Variants in PCDH7 observed in about 807,000 individuals in gnomAD.
PCDH7 encodes protocadherin 7, also known as protocadherin-7.
Under a neutral mutation model 58.9 loss-of-function variants are expected in PCDH7, and 17 were observed. That is an observed-to-expected ratio of 0.29 (90% CI 0.20 to 0.43). The LOEUF (loss-of-function observed/expected upper bound fraction) is 0.43, where lower values mean the gene tolerates loss of function less well. PCDH7 is among the 20% of genes least tolerant of loss of function. The pLI is 1.00. For missense variants in PCDH7, 1,274 were observed against 1,441.0 expected (o/e 0.88, Z 1.88); for synonymous variants, 664 against 616.4 (o/e 1.08, Z -1.14).
intron 1 of PCDH7, among the ~76,000 whole-genome samples, chr4:30,745,243 A>T (rs1012018711): frequency 1.7e-5 from 2 of 119,992 alleles, no homozygotes; most frequent in Non-Finnish European, 3.9e-5. Flanking sequence ...ATATTTTTAC[A>T]TCTTGTTTTT....
chr4:30,895,438 T>G (rs1181934926), intron 1 of PCDH7, among the ~76,000 whole-genome samples: 2 of 152,088 alleles, frequency 1.3e-5, no homozygotes, highest in Non-Finnish European at 2.9e-5. Context: ...TATAGGAACA[T>G]ATGATGTATT....
rs1750097940 is a variant in PCDH7 at position 30,976,598 on chromosome 4, A to G, written c.*7+26383A>G. Among the ~76,000 whole-genome samples the G allele has an allele frequency of 2.7e-5, 4 of 148,504 alleles. No homozygotes were observed. In the South Asian group the frequency reaches 8.6e-4, roughly 32 times the overall value. On this transcript the variant is annotated intron_variant, in intron 3 of 3. Coordinates refer to the PCDH7 transcript ENST00000509759. Reference sequence around the variant, plus strand: ...GTATTTTTAGTAGAGATGGGGTTTCACCATGTTGACCAGGCTGGTCTCAAA... The same window carrying G: ...GTATTTTTAGTAGAGATGGGGTTTCGCCATGTTGACCAGGCTGGTCTCAAA...
intron 1 of PCDH7, among the ~76,000 whole-genome samples, chr4:30,896,751 C>T (rs899587328): frequency 2.6e-5 from 4 of 151,782 alleles, no homozygotes; most frequent in Non-Finnish European, 4.4e-5. Context: ...ATACTTCTTT[C>T]GTATATTACT....
chr4:31,046,110 A>G (rs542490526), intron 3 of PCDH7, among the ~76,000 whole-genome samples: 104 of 152,090 alleles, frequency 6.8e-4, no homozygotes, highest in Admixed American at 1.2e-3. Context: ...GTTGACTTGT[A>G]TATCTGTATA....
At chr4:31,012,223 G>A (rs963571673) in intron 3 of PCDH7, among the ~76,000 whole-genome samples, 3 of 151,702 alleles carry the variant, frequency 2.0e-5, no homozygotes, top group East Asian at 1.9e-4. Context: ...AATAAAAATC[G>A]GTCAGTACAC....
chr4:31,018,238 T>C (rs2109164215), intron 3 of PCDH7, among the ~76,000 whole-genome samples: 1 of 152,258 alleles, frequency 6.6e-6, no homozygotes, highest in South Asian at 2.1e-4. Context: ...ACTTATCTCA[T>C]TTTTATTTTT....
At chr4:30,962,784 A>C (rs1560537192) in intron 3 of PCDH7, among the ~76,000 whole-genome samples, 1 of 150,238 alleles carries the variant, frequency 6.7e-6, no homozygotes, top group African/African-American at 2.4e-5. Context: ...CTTAAAAAAA[A>C]AAAAAAAAAA....
chr4:31,124,789 A>G (rs1426876659), intron 3 of PCDH7, among the ~76,000 whole-genome samples: 1 of 152,208 alleles, frequency 6.6e-6, no homozygotes, highest in African/African-American at 2.4e-5. Flanking sequence ...AAGAAACCCA[A>G]TTGTGATTAA....
chr4:31,042,651 G>T (rs1755974670), intron 3 of PCDH7, among the ~76,000 whole-genome samples: 1 of 152,080 alleles, frequency 6.6e-6, no homozygotes, highest in Non-Finnish European at 1.5e-5. Context: ...TTTAGGGAGA[G>T]ACAATTGCAC....
chr4:30,740,539 AT>A (rs1716927319), intron 1 of PCDH7, among the ~76,000 whole-genome samples: 1 of 152,104 alleles, frequency 6.6e-6, no homozygotes, highest in Non-Finnish European at 1.5e-5. Context: ...GTAGGAAAAA[AT>A]AATTTCATTA....
At chr4:31,035,342 T>G (rs1447879621) in intron 3 of PCDH7, among the ~76,000 whole-genome samples, 1 of 147,696 alleles carries the variant, frequency 6.8e-6, no homozygotes, top group African/African-American at 2.5e-5. Context: ...CAACCTCTGC[T>G]TACCGGGTTC....
At chr4:30,891,113 C>T (rs1001836719) in intron 1 of PCDH7, among the ~76,000 whole-genome samples, 13 of 152,094 alleles carry the variant, frequency 8.5e-5, no homozygotes, top group African/African-American at 3.1e-4. Context: ...GGAATGGTCT[C>T]TAATTGCCCC....
chr4:30,899,326 T>A (rs1403822090), intron 1 of PCDH7, among the ~76,000 whole-genome samples: 4 of 152,184 alleles, frequency 2.6e-5, no homozygotes, highest in Non-Finnish European at 5.9e-5. Context: ...AGGATAAAAT[T>A]GCCCTTTTTT....
intron 1 of PCDH7, among the ~76,000 whole-genome samples, chr4:30,843,451 C>T (rs1190060394): frequency 6.6e-6 from 1 of 152,148 alleles, no homozygotes; most frequent in African/African-American, 2.4e-5. Flanking sequence ...ACCTTGGCCT[C>T]CCAAAGTGCT....
At chr4:30,962,335 T>C (rs1045405202) in intron 3 of PCDH7, among the ~76,000 whole-genome samples, 4 of 152,220 alleles carry the variant, frequency 2.6e-5, no homozygotes, top group African/African-American at 4.8e-5. Flanking sequence ...CATGCCAAGA[T>C]GTATCAGCTA....
At chr4:30,876,359 C>G (rs1264963478) in intron 1 of PCDH7, among the ~76,000 whole-genome samples, 2 of 151,978 alleles carry the variant, frequency 1.3e-5, no homozygotes, top group African/African-American at 4.8e-5. Flanking sequence ...AATGACTGTT[C>G]TTGTGATATT....
chr4:31,129,544 G>C (rs1462604284), intron 3 of PCDH7, among the ~76,000 whole-genome samples: 2 of 152,090 alleles, frequency 1.3e-5, no homozygotes, highest in Non-Finnish European at 2.9e-5. Flanking sequence ...TGAAGTTTAT[G>C]GAGGAGAGTT....
chr4:30,875,176 A>G (rs773333755), intron 1 of PCDH7, among the ~76,000 whole-genome samples: 1 of 152,064 alleles, frequency 6.6e-6, no homozygotes, highest in Non-Finnish European at 1.5e-5. Flanking sequence ...TGATTCCTTC[A>G]GGAAGGAGCT....
At chr4:30,800,703 C>T (rs1392214972) in intron 1 of PCDH7, among the ~76,000 whole-genome samples, 3 of 152,184 alleles carry the variant, frequency 2.0e-5, no homozygotes, top group African/African-American at 7.2e-5. Flanking sequence ...AGCATTTCAA[C>T]TGGATGAGAA....
Sources: allele counts gnomAD v4.1 joint callset (sites outside exome capture counted in the v4.1 genomes callset), GRCh38; gene constraint gnomAD v4.1.1; transcripts MANE v1.5; gene names NCBI Gene and HGNC (gene_info 2026-07-23, HGNC 2026-07-21).